KCND2: variants seen among roughly 807,000 people sequenced by gnomAD.
KCND2 encodes the protein potassium voltage-gated channel subfamily D member 2.
In KCND2, 16 loss-of-function variants were observed where a neutral mutation model predicts 54.4. The observed-to-expected ratio is 0.29, with a 90% CI of 0.20 to 0.45. The LOEUF (loss-of-function observed/expected upper bound fraction) is 0.45. KCND2 is among the 20% of genes least tolerant of loss of function. The probability of loss-of-function intolerance (pLI) is 1.00; values close to 1 mark genes in which losing one functional copy is unlikely to be tolerated. For synonymous variants in KCND2, 317 were observed against 310.7 expected, an observed-to-expected ratio of 1.02 and a Z score of -0.21; for missense variants, 486 against 824.2, an observed-to-expected ratio of 0.59 and a Z score of 5.02.
intron 1 of KCND2, among the ~76,000 whole-genome samples, chr7:120,563,102 A>G (rs1384598015): frequency 1.3e-5 from 2 of 152,160 alleles, no homozygotes; most frequent in African/African-American, 4.8e-5. Flanking sequence ...TGTTTATCAT[A>G]GTTAGAGGTT....
intron 1 of KCND2, among the ~76,000 whole-genome samples, chr7:120,483,158 T>A (rs1490634735): frequency 6.6e-6 from 1 of 152,208 alleles, no homozygotes; most frequent in Non-Finnish European, 1.5e-5. Flanking sequence ...TGGACTGAAC[T>A]TCAAAAACAC....
At chr7:120,352,477 C>T (rs957729601) in intron 1 of KCND2, among the ~76,000 whole-genome samples, 26 of 151,228 alleles carry the variant, frequency 1.7e-4, no homozygotes, top group East Asian at 3.9e-4. Context: ...CACACACACA[C>T]ACACACACAC....
upstream of KCND2, among the ~76,000 whole-genome samples, chr7:120,272,951 G>C (rs943423067): frequency 1.3e-5 from 2 of 152,004 alleles, no homozygotes; most frequent in Non-Finnish European, 2.9e-5. Context: ...AGCAAGGCAC[G>C]GGTCCCCTTT....
intron 1 of KCND2, among the ~76,000 whole-genome samples, chr7:120,643,758 C>A (rs941250380): frequency 4.6e-5 from 7 of 151,156 alleles, no homozygotes; most frequent in Non-Finnish European, 7.4e-5. Flanking sequence ...ACACAGCACA[C>A]TACAAAATAA....
intron 1 of KCND2, among the ~76,000 whole-genome samples, chr7:120,666,364 C>T (rs1431894293): frequency 2.0e-5 from 3 of 151,690 alleles, no homozygotes; most frequent in African/African-American, 4.8e-5. Context: ...GTTTTGAATA[C>T]CTATGTGTCA....
At chr7:120,651,807 G>A (rs1444817768) in intron 1 of KCND2, among the ~76,000 whole-genome samples, 1 of 152,104 alleles carries the variant, frequency 6.6e-6, no homozygotes, top group Non-Finnish European at 1.5e-5. Flanking sequence ...TATTAATCAA[G>A]TCACATTTAC....
In KCND2 at chr7:120,411,300, AT is replaced by A. The variant is rs111263568; in HGVS notation, c.1115+135563del. Among the ~76,000 whole-genome samples the A allele has an allele frequency of 1.8e-4, 26 of 147,574 alleles. No individual in the cohort carries two copies. In the East Asian group the frequency reaches 3.6e-3, roughly 20 times the overall value. ...TATATAGACCCCATGAGGAAATGTC[AT>A]TTTTTTTTTCATTTTTACTTTGTTT... On this transcript the variant is annotated intron_variant, in intron 1 of 5. Coordinates refer to ENST00000331113, the MANE Select transcript of KCND2 (RefSeq NM_012281.3).
At chr7:120,334,221 A>G (rs1313619402) in intron 1 of KCND2, among the ~76,000 whole-genome samples, 1 of 152,190 alleles carries the variant, frequency 6.6e-6, no homozygotes, top group African/African-American at 2.4e-5. Flanking sequence ...TAGCCTAAAT[A>G]GAATATTCAA....
At chr7:120,630,990 C>G (rs954210427) in intron 1 of KCND2, among the ~76,000 whole-genome samples, 3 of 152,118 alleles carry the variant, frequency 2.0e-5, no homozygotes, top group Non-Finnish European at 4.4e-5. Flanking sequence ...CCTTAAGGAG[C>G]TGCAGTTTAA....
chr7:120,305,085 T>C (rs1799633722), intron 1 of KCND2, among the ~76,000 whole-genome samples: 1 of 152,198 alleles, frequency 6.6e-6, no homozygotes, highest in South Asian at 2.1e-4. Context: ...GCTATTTCTT[T>C]ATTATTAAAG....
chr7:120,495,804 C>T (rs1021893964), intron 1 of KCND2, among the ~76,000 whole-genome samples: 1 of 152,082 alleles, frequency 6.6e-6, no homozygotes, highest in Non-Finnish European at 1.5e-5. Flanking sequence ...AAAATGAGGT[C>T]TCACAAATAG....
At chr7:120,691,388 G>T (rs974907846) in intron 1 of KCND2, among the ~76,000 whole-genome samples, 1 of 152,140 alleles carries the variant, frequency 6.6e-6, no homozygotes, top group Admixed American at 6.5e-5. Context: ...TGTTGCCAAA[G>T]GAAATGTAGG....
chr7:120,688,598 A>C (rs1262214144), intron 1 of KCND2, among the ~76,000 whole-genome samples: 1 of 152,162 alleles, frequency 6.6e-6, no homozygotes, highest in Non-Finnish European at 1.5e-5. Context: ...TCTGAACAGC[A>C]AATTAAGCTG....
chr7:120,692,902 G>A (rs1029787426), intron 1 of KCND2, among the ~76,000 whole-genome samples: 1 of 152,110 alleles, frequency 6.6e-6, no homozygotes, highest in African/African-American at 2.4e-5. Context: ...TAGAGTTTCT[G>A]AACAACCCAC....
chr7:120,729,030 C>T (rs1792772435), intron 1 of KCND2, among the ~76,000 whole-genome samples: 1 of 152,196 alleles, frequency 6.6e-6, no homozygotes. Context: ...CTAAGCCTTT[C>T]CTCCACGGAA....
intron 1 of KCND2, among the ~76,000 whole-genome samples, chr7:120,638,746 G>C (rs183901714): frequency 6.6e-6 from 1 of 152,078 alleles, no homozygotes; most frequent in Admixed American, 6.6e-5. Context: ...AGTCCTCTCT[G>C]GAAATCAAAA....
chr7:120,624,684 G>A (rs558634794), intron 1 of KCND2, among the ~76,000 whole-genome samples: 1 of 152,012 alleles, frequency 6.6e-6, no homozygotes, highest in Non-Finnish European at 1.5e-5. Flanking sequence ...TGGCGGCTGA[G>A]GTGGGAGGAT....
In KCND2 at chr7:120,288,842, A is replaced by G. The variant is rs188716732; in HGVS notation, c.1115+13095A>G. Among the ~76,000 whole-genome samples the G allele has an allele frequency of 2.9e-3, 449 of 152,242 alleles. 6 individuals are homozygous for G. Among genetic ancestry groups the G allele is most frequent in the Middle Eastern group, 0.02 (6 of 294 alleles). On this transcript the variant is annotated intron_variant, in intron 1 of 5. Coordinates refer to ENST00000331113, the MANE Select transcript of KCND2 (RefSeq NM_012281.3). The stretch of plus-strand genomic sequence containing the variant: ...ATAACTTCATGCAAACCCAAATGTT[A>G]CTTAGTTAAAATCAGGAGGCCTGAT...
At chr7:120,693,656 T>C (rs2116606432) in intron 1 of KCND2, among the ~76,000 whole-genome samples, 1 of 152,276 alleles carries the variant, frequency 6.6e-6, no homozygotes, top group South Asian at 2.1e-4. Flanking sequence ...CTGTATTTGC[T>C]ATTTTATATG....
Sources: gnomAD v4.1 joint callset for allele counts (sites outside exome capture counted in the v4.1 genomes callset) on GRCh38, gnomAD v4.1.1 for gene constraint, MANE v1.5 for transcripts, NCBI Gene and HGNC (gene_info 2026-07-23, HGNC 2026-07-21) for gene names.